Variants in TMCO6 observed in about 807,000 individuals in gnomAD.
The protein encoded by TMCO6 is transmembrane and coiled-coil domains 6.
A neutral mutation model predicts 61.8 loss-of-function variants in TMCO6; 47 were observed. That is an observed-to-expected ratio of 0.76 (90% CI 0.60 to 0.97). The LOEUF (loss-of-function observed/expected upper bound fraction) is 0.97. Among genes scored for constraint, TMCO6 ranks in the 50% least tolerant of loss-of-function variants. The probability of loss-of-function intolerance (pLI) is 0.00; values close to 1 mark genes in which losing one functional copy is unlikely to be tolerated. For synonymous variants in TMCO6, 261 were observed against 254.2 expected (o/e 1.03, Z -0.25); for missense variants, 557 against 601.6 (o/e 0.93, Z 0.78).
At chr5:140,601,142 C>G in the TMCO6 span, among the ~76,000 whole-genome samples, 2 of 152,198 alleles carry the variant, frequency 1.3e-5, no homozygotes, top group Admixed American at 6.5e-5. Flanking sequence ...GATTTCTATA[C>G]ACTTTTGTTC....
chr5:140,631,805 C>T, the TMCO6 span: 13 of 1,492,130 alleles, frequency 8.7e-6, no homozygotes, highest in African/African-American at 1.4e-5. Context: ...CCTGACGGGA[C>T]TCCCCTGAAG....
At chr5:140,624,747 C>T in the TMCO6 span, among the ~76,000 whole-genome samples, 3 of 151,560 alleles carry the variant, frequency 2.0e-5, no homozygotes, top group Non-Finnish European at 2.9e-5. Flanking sequence ...AGGCTGGTCT[C>T]GAACTCCTGA....
the TMCO6 span, among the ~76,000 whole-genome samples, chr5:140,612,591 G>A: frequency 6.6e-6 from 1 of 151,874 alleles, no homozygotes; most frequent in Admixed American, 6.6e-5. Context: ...CACCCGCCTC[G>A]GCCTCCCAAA....
the TMCO6 span, chr5:140,609,503 G>A: frequency 6.1e-6 from 1 of 163,486 alleles, no homozygotes; most frequent in African/African-American, 2.4e-5. Context: ...GGGAGGTCCA[G>A]TCTGTTCATC....
chr5:140,632,968 A>G, the TMCO6 span: 1 of 1,614,164 alleles, frequency 6.2e-7, no homozygotes, highest in Non-Finnish European at 8.5e-7. This position sits in a 1 kb window ranked among gnomAD's most constrained non-coding sequence, Gnocchi z 6.2. Flanking sequence ...AGCAACAAGC[A>G]GGACGCGCGC....
intron 7 of TMCO6, 38 bp from the exon 8 acceptor site, chr5:140,643,526 A>G: frequency 6.3e-7 from 1 of 1,577,884 alleles, no homozygotes; most frequent in Non-Finnish European, 8.7e-7. Flanking sequence ...GGTGGAATTG[A>G]CTATATACCT....
At chr5:140,599,967 A>G in the TMCO6 span, among the ~76,000 whole-genome samples, 5,101 of 152,078 alleles carry the variant, frequency 0.034, 261 homozygotes, top group African/African-American at 0.11. Context: ...GCAGCTCCTC[A>G]GGTGGTTCAA....
At chr5:140,618,107 A>G in the TMCO6 span, among the ~76,000 whole-genome samples, 7 of 152,174 alleles carry the variant, frequency 4.6e-5, no homozygotes, top group Non-Finnish European at 7.3e-5. Context: ...ACAGACTCAC[A>G]TATATATTGT....
At chr5:140,622,581 A>G in the TMCO6 span, among the ~76,000 whole-genome samples, 47 of 152,206 alleles carry the variant, frequency 3.1e-4, no homozygotes, top group Non-Finnish European at 4.7e-4. Flanking sequence ...CAGTGAAAAG[A>G]AATTCAGAAC....
intron 2 of TMCO6, chr5:140,641,089 C>G (rs146794976): frequency 6.5e-6 from 1 of 154,842 alleles, no homozygotes; most frequent in African/African-American, 2.4e-5. Flanking sequence ...GCTCACAGCC[C>G]GGTGAAGAAG....
At chr5:140,637,382 T>C (rs200320342), upstream of TMCO6, among the ~76,000 whole-genome samples, 3 of 152,220 alleles carry the variant, frequency 2.0e-5, no homozygotes, top group East Asian at 5.8e-4. Context: ...CTAAAAATTA[T>C]GGGAATTCAG....
Position 140,642,422 on chromosome 5 carries a change from G to A in TMCO6, c.603+3G>A, listed in dbSNP as rs1275121338. The A allele has an allele frequency of 1.2e-6, 2 of 1,611,862 alleles. No individual in the cohort carries two copies. ...CAGCCTTGGCTGCCTGCATCCAGGTGACTCCTTTCTTCCTCCCTGGGCAAC... is the reference window on the plus strand; with the variant it reads ...CAGCCTTGGCTGCCTGCATCCAGGTAACTCCTTTCTTCCTCCCTGGGCAAC... On this transcript the variant is annotated splice_donor_region_variant and intron_variant, in intron 5 of 11. Coordinates refer to ENST00000394671, the MANE Select transcript of TMCO6 (RefSeq NM_018502.5).
the TMCO6 span, among the ~76,000 whole-genome samples, chr5:140,628,368 T>TC: frequency 6.6e-6 from 1 of 152,176 alleles, no homozygotes; most frequent in Non-Finnish European, 1.5e-5. Context: ...TCTCATTTTA[T>TC]CCAGCCCCTG....
At chr5:140,607,739 A>C in the TMCO6 span, among the ~76,000 whole-genome samples, 1 of 150,264 alleles carries the variant, frequency 6.7e-6, no homozygotes, top group Non-Finnish European at 1.5e-5. Context: ...GTTGTTGATT[A>C]GTGCTATACT....
At chr5:140,638,433 G>A (rs542666677), upstream of TMCO6, among the ~76,000 whole-genome samples, 1 of 152,064 alleles carries the variant, frequency 6.6e-6, no homozygotes, top group African/African-American at 2.4e-5. Context: ...GGCATCTAAC[G>A]AAGGCAAAAA....
the TMCO6 span, among the ~76,000 whole-genome samples, chr5:140,619,177 A>T: frequency 6.6e-6 from 1 of 152,216 alleles, no homozygotes; most frequent in Non-Finnish European, 1.5e-5. Context: ...TTTAATAGAC[A>T]CCTCACTGAG....
the TMCO6 span, among the ~76,000 whole-genome samples, chr5:140,602,482 G>T: frequency 7.3e-4 from 111 of 152,284 alleles, 3 homozygotes; most frequent in East Asian, 0.017. Context: ...TTAAAGTGTG[G>T]CTGGGAGTGG....
At chr5:140,628,901 G>A in the TMCO6 span, among the ~76,000 whole-genome samples, 1 of 152,206 alleles carries the variant, frequency 6.6e-6, no homozygotes, top group Non-Finnish European at 1.5e-5. Flanking sequence ...CGAGCTAGTA[G>A]TGCCTACAGT....
intron 6 of TMCO6, 49 bp from the exon 7 acceptor site, chr5:140,642,876 C>G: frequency 6.2e-7 from 1 of 1,613,886 alleles, no homozygotes; most frequent in East Asian, 2.2e-5. Context: ...TTGGTAAGAA[C>G]CACTGGCATC....
Sources: gnomAD v4.1 joint callset for allele counts (sites outside exome capture counted in the v4.1 genomes callset) on GRCh38, gnomAD v4.1.1 for gene constraint, Gnocchi (gnomAD v3.1) non-coding constraint, MANE v1.5 for transcripts, NCBI Gene and HGNC (gene_info 2026-07-23, HGNC 2026-07-21) for gene names.